Variants in ATP6V0A1 observed in about 807,000 individuals in gnomAD.
ATP6V0A1 encodes V-type proton ATPase 116 kDa subunit a 1.
A neutral mutation model predicts 105.4 loss-of-function variants in ATP6V0A1; 43 were observed. That is an observed-to-expected ratio of 0.41 (90% CI 0.32 to 0.53). The LOEUF (loss-of-function observed/expected upper bound fraction) is 0.53, where lower values mean the gene tolerates loss of function less well. Among genes scored for constraint, ATP6V0A1 ranks in the 20% least tolerant of loss-of-function variants. The pLI is 0.30. For missense variants in ATP6V0A1, 676 were observed against 1,051.1 expected (o/e 0.64, Z 4.93); for synonymous variants, 362 against 372.8 (o/e 0.97, Z 0.33).
chr17:42,520,778 A>G, intron 21 of ATP6V0A1: 1 of 496,876 alleles, frequency 2.0e-6, no homozygotes, highest in Admixed American at 3.2e-5. Context: ...AGAGTTGTGC[A>G]TAAACACACT....
At chr17:42,501,776 A>G (rs1248299443) in intron 17 of ATP6V0A1, among the ~76,000 whole-genome samples, 1 of 151,558 alleles carries the variant, frequency 6.6e-6, no homozygotes, top group Non-Finnish European at 1.5e-5. Context: ...CTGTAATCCC[A>G]GCACTTTAGC....
chr17:42,492,425 G>A (rs1236932009), intron 11 of ATP6V0A1, among the ~76,000 whole-genome samples: 1 of 151,178 alleles, frequency 6.6e-6, no homozygotes, highest in East Asian at 1.9e-4. Flanking sequence ...TCATCGGCTG[G>A]GCCAGGTGTG....
Position 42,483,047 on chromosome 17 carries a change from C to A in ATP6V0A1, c.726C>A (p.Ala242=). The change falls in exon 9 of 22, where the codon GCC becomes GCA. Residue 242 remains alanine (A), a synonymous_variant. Coordinates refer to ENST00000343619, the MANE Select transcript of ATP6V0A1 (RefSeq NM_001130021.3). The stretch of plus-strand genomic sequence containing the variant: ...TGTTCTTATATTCCAGGTTCCGAGC[C>A]TCACTCTATCCCTGTCCTGAGACAC... ...RVKKICEGFR[A]SLYPCPETPQ... 6.7e-7 allele frequency: 1 copy of A among 1,502,596 alleles called. No individual in the cohort carries two copies. Among genetic ancestry groups the A allele is most frequent in the Non-Finnish European group, 8.9e-7 (1 of 1,121,392 alleles). The allele number at this position is 1,502,596 out of a possible 1,614,324, so 93.1% of individuals were successfully genotyped here. A position where few individuals can be genotyped will look rare whatever the true frequency, so the allele number is the denominator to read the frequency against.
In ATP6V0A1 at chr17:42,494,389, C is replaced by T. The variant is rs368502073; in HGVS notation, c.1230C>T (p.Phe410=). Residue 410 remains phenylalanine (F), a synonymous_variant, in exon 12 of 22, where the codon TTC becomes TTT. Transcript: ENST00000343619. ...TATTTGCTGTGATGTTTGGAGACTT[C>T]GGTCATGGCATTTTAATGACCCTTT... ...PFLFAVMFGD[F]GHGILMTLFA... 15 of 1,613,324 alleles carry T rather than the reference C, an allele frequency of 9.3e-6. No homozygotes were observed. Among genetic ancestry groups the T allele is most frequent in the East Asian group, 4.5e-5 (2 of 44,880 alleles).
Position 42,483,280 on chromosome 17 carries a change from G to A in ATP6V0A1, c.810+149G>A, listed in dbSNP as rs1278398977. The A allele has an allele frequency of 2.5e-5, 12 of 477,382 alleles. No individual in the cohort carries two copies. The East Asian group carries it at 4.3e-4, about 17-fold the overall frequency. The allele number at this position is 477,382 out of a possible 1,614,324, so 29.6% of individuals were successfully genotyped here. On this transcript the variant is annotated intron_variant, in intron 9 of 21. Coordinates refer to ENST00000343619, the MANE Select transcript of ATP6V0A1 (RefSeq NM_001130021.3). ...TGTACATGGGTAATATGTCCTTCTG[G>A]GAGCTGAGAAAGTATCAGGGAATGA...
chr17:42,468,154 C>G, intron 4 of ATP6V0A1, 47 bp downstream of exon 4: 1 of 1,318,948 alleles, frequency 7.6e-7, no homozygotes, highest in Admixed American at 2.1e-5. Context: ...TACTTGAACG[C>G]AGAAATTACT....
At chr17:42,501,358 A>G in intron 17 of ATP6V0A1, 54 bp downstream of exon 17, 2 of 1,291,376 alleles carry the variant, frequency 1.5e-6, no homozygotes, top group Non-Finnish European at 2.2e-6. Context: ...GTTCAAGATC[A>G]AGGCAATTCC....
At chr17:42,515,937 T>C (rs1363694987) in intron 21 of ATP6V0A1, among the ~76,000 whole-genome samples, 1 of 152,210 alleles carries the variant, frequency 6.6e-6, no homozygotes, top group African/African-American at 2.4e-5. Flanking sequence ...CTCCACTTCT[T>C]TGGGTCTCTA....
Position 42,500,883 on chromosome 17 carries a change from C to T in ATP6V0A1, c.1856C>T (p.Ser619Phe), listed in dbSNP as rs1274101552. The T allele has an allele frequency of 6.2e-7, 1 of 1,614,030 alleles. No individual in the cohort carries two copies. The highest frequency in any genetic ancestry group is 8.5e-7 in the Non-Finnish European group (1 of 1,180,002). Residue 619 changes from serine to phenylalanine, a missense_variant, in exon 16 of 22, where the codon TCC becomes TTC. Around this residue, in one of 3 missense-constraint regions of ATP6V0A1, gnomAD observed 435 missense variants for 642.2 expected, o/e 0.68. Transcript: ENST00000343619. ...CATTTCATAAACATGTTCCTCTTTTCCTACCCAGAGTCTGGTTATTCAATG... is the reference window on the plus strand; with the variant it reads ...CATTTCATAAACATGTTCCTCTTTTTCTACCCAGAGTCTGGTTATTCAATG... Reference protein sequence around the residue: ...LIHFINMFLFSYPESGYSMLY... With the variant: ...LIHFINMFLFFYPESGYSMLY...
At chr17:42,515,286 G>C (rs2146319327) in intron 21 of ATP6V0A1, among the ~76,000 whole-genome samples, 1 of 151,932 alleles carries the variant, frequency 6.6e-6, no homozygotes, top group East Asian at 1.9e-4. Flanking sequence ...GGCCAACATG[G>C]TAAAACCCCG....
chr17:42,479,702 T>G (rs1294023006), intron 7 of ATP6V0A1, among the ~76,000 whole-genome samples: 4 of 152,134 alleles, frequency 2.6e-5, no homozygotes, highest in Admixed American at 6.5e-5. Context: ...CGTGGAGGAG[T>G]GTGGTTACAC....
At chr17:42,473,872 T>C (rs2088334691) in intron 5 of ATP6V0A1, among the ~76,000 whole-genome samples, 1 of 152,218 alleles carries the variant, frequency 6.6e-6, no homozygotes, top group Admixed American at 6.5e-5. Flanking sequence ...TATTTTAAAA[T>C]CATAATTTAT....
At chr17:42,498,070 G>A (rs903186429) in intron 14 of ATP6V0A1, among the ~76,000 whole-genome samples, 1 of 152,104 alleles carries the variant, frequency 6.6e-6, no homozygotes, top group Non-Finnish European at 1.5e-5. Context: ...GGCCAACATG[G>A]TGAAACCCCA....
At chr17:42,480,164 T>C (rs2089310202) in intron 7 of ATP6V0A1, 1 of 152,260 alleles carries the variant, frequency 6.6e-6, no homozygotes, top group Non-Finnish European at 1.5e-5. Context: ...AAATTTGGTA[T>C]TTGGAATGGA....
chr17:42,489,512 T>C (rs1287061103), intron 10 of ATP6V0A1, among the ~76,000 whole-genome samples: 2 of 151,936 alleles, frequency 1.3e-5, no homozygotes, highest in African/African-American at 4.8e-5. Context: ...GATCCCCAGG[T>C]AGGACTTGAC....
chr17:42,471,421 C>CAA (rs543931458), intron 5 of ATP6V0A1: 20 of 88,294 alleles, frequency 2.3e-4, no homozygotes, highest in Non-Finnish European at 2.9e-4. Flanking sequence ...GACTCTGTCT[C>CAA]AAAAAAAAAA....
intron 17 of ATP6V0A1, among the ~76,000 whole-genome samples, chr17:42,502,553 T>G (rs981976727): frequency 2.6e-5 from 4 of 152,172 alleles, no homozygotes; most frequent in African/African-American, 9.7e-5. Flanking sequence ...TCATGCATAA[T>G]TTCTGGGTAT....
chr17:42,474,060 T>C (rs1567817499), intron 5 of ATP6V0A1, among the ~76,000 whole-genome samples: 5 of 151,728 alleles, frequency 3.3e-5, no homozygotes, highest in Admixed American at 2.6e-4. Flanking sequence ...TGGAGTGCAG[T>C]GGTGCGATCT....
intron 17 of ATP6V0A1, among the ~76,000 whole-genome samples, chr17:42,502,580 T>C (rs1033433358): frequency 6.6e-6 from 1 of 152,200 alleles, no homozygotes; most frequent in Non-Finnish European, 1.5e-5. Flanking sequence ...GCACTTACTT[T>C]ACACTGCCTG....
Sources: allele counts gnomAD v4.1 joint callset (sites outside exome capture counted in the v4.1 genomes callset), GRCh38; gene constraint gnomAD v4.1.1; regional missense constraint gnomAD v4.1.1; transcripts MANE v1.5; gene names NCBI Gene and HGNC (gene_info 2026-07-23, HGNC 2026-07-21).